Variants in ZNF276 observed in about 807,000 individuals in gnomAD.
The protein encoded by ZNF276 is centromere protein Z.
ZNF276 carries 59 observed loss-of-function variants against 63.9 expected under a neutral mutation model. That is an observed-to-expected ratio of 0.92 (90% CI 0.75 to 1.15). The LOEUF (loss-of-function observed/expected upper bound fraction) is 1.15, where lower values mean the gene tolerates loss of function less well. Among genes scored for constraint, ZNF276 ranks in the 50% most tolerant of loss-of-function variants. ZNF276 has a pLI of 0.00. For missense variants in ZNF276, 1,084 were observed against 843.8 expected, an observed-to-expected ratio of 1.28 and a Z score of -3.53; for synonymous variants, 496 against 348.4, an observed-to-expected ratio of 1.42 and a Z score of -4.72.
rs896134378 is a variant in ZNF276, at chr16:89,721,737, C to A, written c.97C>A (p.Arg33Ser). 1.5e-6 allele frequency: 2 copies of A among 1,338,240 alleles called. No homozygotes were observed. Among genetic ancestry groups the A allele is most frequent in the African/African-American group, 3.1e-5 (2 of 65,156 alleles). The allele number at this position is 1,338,240 out of a possible 1,614,324, so 82.9% of individuals were successfully genotyped here. A position where few individuals can be genotyped will look rare whatever the true frequency, so the allele number is the denominator to read the frequency against. The change falls in exon 1 of 11, where the codon CGC (arginine) becomes AGC (serine). Residue 33 changes from arginine to serine, a missense_variant. Arg to Ser is a moderately radical substitution (Grantham distance 110). Coordinates refer to ENST00000443381, the MANE Select transcript of ZNF276 (RefSeq NM_001113525.2). ...GGGGVSRTRG[R>S]PSLSGGPRVD... is the part of the protein sequence containing the mutation. ...CGGCGGCGTCAGCCGGACTCGGGGCCGCCCTTCCCTTAGCGGTGGGCCGAG... is the reference window on the plus strand; with the variant it reads ...CGGCGGCGTCAGCCGGACTCGGGGCAGCCCTTCCCTTAGCGGTGGGCCGAG...
At chr16:89,720,583 G>A (rs2061233060), upstream of ZNF276, 2 of 1,219,598 alleles carry the variant, frequency 1.6e-6, no homozygotes, top group Non-Finnish European at 2.0e-6. Flanking sequence ...GCTGTCCAAG[G>A]TCACTGCACG....
chr16:89,726,182 A>AT (rs1353522334), intron 4 of ZNF276, among the ~76,000 whole-genome samples: 4 of 146,046 alleles, frequency 2.7e-5, no homozygotes, highest in Non-Finnish European at 4.5e-5. Flanking sequence ...CACCCTGCTA[A>AT]TTTTTTTGTA....
rs1046393390 is a variant in ZNF276, at chr16:89,733,640, C to G, written c.1356+83C>G. 3.3e-5 allele frequency: 50 copies of G among 1,512,156 alleles called. 1 individual carries two copies. Among genetic ancestry groups the G allele is most frequent in the Non-Finnish European group, 4.4e-5 (48 of 1,092,226 alleles). The allele number at this position is 1,512,156 out of a possible 1,614,324, so 93.7% of individuals were successfully genotyped here. On this transcript the variant is annotated intron_variant, in intron 8 of 10. Coordinates refer to ENST00000443381, the MANE Select transcript of ZNF276 (RefSeq NM_001113525.2). ...GGTAGCAGGTGTTTCTGCAGCCTAACTCAGACTTGCGCCCAAGGACACTTT... is the reference window on the plus strand; with the variant it reads ...GGTAGCAGGTGTTTCTGCAGCCTAAGTCAGACTTGCGCCCAAGGACACTTT...
chr16:89,738,333 G>C lies in ZNF276; in HGVS notation c.*87G>C, dbSNP rs1021626760. 4.0e-6 allele frequency: 6 copies of C among 1,498,372 alleles called. No individual in the cohort carries two copies. Among genetic ancestry groups the C allele is most frequent in the Non-Finnish European group, 5.3e-6 (6 of 1,124,034 alleles). The allele number at this position is 1,498,372 out of a possible 1,614,324, so 92.8% of individuals were successfully genotyped here. Reference sequence around the variant, plus strand: ...ACCCTTCGTGTGCACCCGCATGGGAGGGTCGGAGGGTGCTGCCCGCCCTTG... The same window carrying C: ...ACCCTTCGTGTGCACCCGCATGGGACGGTCGGAGGGTGCTGCCCGCCCTTG... On this transcript the variant is annotated 3_prime_UTR_variant, in exon 11 of 11. Transcript: ENST00000443381.
intron 9 of ZNF276, among the ~76,000 whole-genome samples, chr16:89,736,165 A>G (rs1460520844): frequency 6.6e-6 from 1 of 152,294 alleles, no homozygotes; most frequent in Middle Eastern, 3.4e-3. Context: ...TGCTGGGATT[A>G]TAAGCGTGAG....
At chr16:89,729,178 TG>T in intron 5 of ZNF276, 56 bp from the exon 6 acceptor site, 1 of 1,469,114 alleles carries the variant, frequency 6.8e-7, no homozygotes, top group South Asian at 1.1e-5. Flanking sequence ...GAGGTCGTGT[TG>T]GGTCTGTCAC....
intron 6 of ZNF276, chr16:89,732,807 TCTGCTGTGTTCACCTGACC>T (rs1222296087): frequency 4.4e-6 from 1 of 227,302 alleles, no homozygotes; most frequent in Non-Finnish European, 8.9e-6. Context: ...GCCCTCACCC[TCTGCTGTGTTCACCTGACC>T]CTGCTGTGTC....
intron 1 of ZNF276, 70 bp downstream of exon 1, chr16:89,721,915 A>G: frequency 9.4e-7 from 1 of 1,069,106 alleles, no homozygotes. Flanking sequence ...AGCCGCACTG[A>G]CGCCCGGAAG....
intron 6 of ZNF276, chr16:89,732,802 C>A: frequency 4.4e-6 from 1 of 227,538 alleles, no homozygotes; most frequent in South Asian, 4.2e-5. Context: ...CCTGCGCCCT[C>A]ACCCTCTGCT....
Position 89,721,731 on chromosome 16 carries a change from C to T in ZNF276, c.91C>T (p.Arg31Trp), listed in dbSNP as rs1055174023. The T allele has an allele frequency of 2.2e-6, 3 of 1,346,902 alleles. No individual in the cohort carries two copies. Among genetic ancestry groups the T allele is most frequent in the South Asian group, 1.8e-5 (1 of 57,056 alleles). 83.4% of individuals were successfully genotyped at this position (1,346,902 alleles called of 1,614,324 possible). ...CGGCGGCGGCGGCGTCAGCCGGACT[C>T]GGGGCCGCCCTTCCCTTAGCGGTGG... Reference protein sequence around the residue: ...SDGGGGVSRTRGRPSLSGGPR... With the variant: ...SDGGGGVSRTWGRPSLSGGPR... The change falls in exon 1 of 11, where the codon CGG (arginine) becomes TGG (tryptophan). Residue 31 changes from arginine to tryptophan, a missense_variant. Transcript: ENST00000443381.
At chr16:89,720,447 C>T (rs3809646), upstream of ZNF276, 656,389 of 1,060,580 alleles carry the variant, frequency 0.62, 207,618 homozygotes, top group East Asian at 0.98. Context: ...ACGGACCTGC[C>T]CGTCACTCGG....
At chr16:89,728,966 C>T (rs1313429096) in intron 5 of ZNF276, among the ~76,000 whole-genome samples, 4 of 152,254 alleles carry the variant, frequency 2.6e-5, no homozygotes, top group Non-Finnish European at 5.9e-5. Flanking sequence ...TCCACCCCTT[C>T]TGGGCCGCTG....
At position 89,738,844 on chromosome 16, in the gene ZNF276, G is replaced by A. The variant is rs1452409381; in HGVS notation, c.*598G>A. 1.9e-6 allele frequency: 3 copies of A among 1,614,170 alleles called. No individual in the cohort carries two copies. In the Admixed American group the frequency reaches 5.0e-5, roughly 27 times the overall value. ...GGCCCAGGCAGCTGTCAATTCTCAT[G>A]TCCCCCACATGGCCCAAGGTGGGCA... is the stretch of plus-strand genomic sequence containing the variant. On this transcript the variant is annotated 3_prime_UTR_variant, in exon 11 of 11. Coordinates refer to ENST00000443381, the MANE Select transcript of ZNF276 (RefSeq NM_001113525.2).
chr16:89,728,407 A>T (rs915213662), intron 5 of ZNF276, among the ~76,000 whole-genome samples: 8 of 143,508 alleles, frequency 5.6e-5, no homozygotes, highest in South Asian at 2.2e-4. Context: ...GTATTTATTT[A>T]TTTTTTTTTT....
chr16:89,739,045 C>T lies in ZNF276; in HGVS notation c.*799C>T. 1 of 1,614,072 alleles carries T rather than the reference C, an allele frequency of 6.2e-7. No homozygotes were observed. On this transcript the variant is annotated 3_prime_UTR_variant, in exon 11 of 11. Transcript: ENST00000443381. ...ACAGGGCTGGTGTGTCCCCCATAGTCTGCATGCTGTGCCGGAACATTCTTT... is the reference window on the plus strand; with the variant it reads ...ACAGGGCTGGTGTGTCCCCCATAGTTTGCATGCTGTGCCGGAACATTCTTT...
Position 89,740,396 on chromosome 16 carries a change from T to G in ZNF276, c.*2150T>G. 1 of 481,418 alleles carries G rather than the reference T, an allele frequency of 2.1e-6. No homozygotes were observed. Among genetic ancestry groups the G allele is most frequent in the Non-Finnish European group, 3.8e-6 (1 of 264,678 alleles). 29.8% of individuals were successfully genotyped at this position (481,418 alleles called of 1,614,324 possible). A position where few individuals can be genotyped will look rare whatever the true frequency, so the allele number is the denominator to read the frequency against. ...GGCTCATGCCTGTAATCCCAACACTTTGGGAGGCCGAGGTCGGCGGATCAC... is the reference window on the plus strand; with the variant it reads ...GGCTCATGCCTGTAATCCCAACACTGTGGGAGGCCGAGGTCGGCGGATCAC... On this transcript the variant is annotated 3_prime_UTR_variant, in exon 11 of 11. Coordinates refer to ENST00000443381, the MANE Select transcript of ZNF276 (RefSeq NM_001113525.2).
chr16:89,720,839 C>T (rs1011100710), upstream of ZNF276: 67 of 1,426,572 alleles, frequency 4.7e-5, no homozygotes, highest in African/African-American at 8.3e-4. Context: ...CTTCACCGTG[C>T]CGTCCCCGGC....
rs1454002832 is a variant in ZNF276, at chr16:89,738,747, C to G, written c.*501C>G. 1 of 1,612,944 alleles carries G rather than the reference C, an allele frequency of 6.2e-7. No homozygotes were observed. Among genetic ancestry groups the G allele is most frequent in the East Asian group, 2.2e-5 (1 of 44,870 alleles). ...GCAGGTCCTCAGCCCATGCCGCCCA[C>G]TAGGCCTCAGACCACAGGGGAGGGG... On this transcript the variant is annotated 3_prime_UTR_variant, in exon 11 of 11. Transcript: ENST00000443381.
At chr16:89,720,969 A>G, upstream of ZNF276, 1 of 1,090,482 alleles carries the variant, frequency 9.2e-7, no homozygotes, top group Non-Finnish European at 1.2e-6. Context: ...AGCGGACCGC[A>G]GGAAGGGACG....
Sources: gnomAD v4.1 joint callset for allele counts (sites outside exome capture counted in the v4.1 genomes callset) on GRCh38, gnomAD v4.1.1 for gene constraint, MANE v1.5 for transcripts, NCBI Gene and HGNC (gene_info 2026-07-23, HGNC 2026-07-21) for gene names.